The following CPNE8 variants were observed in gnomAD, a reference collection of about 807,000 sequenced individuals.
CPNE8 encodes the protein copine 8.
CPNE8 carries 45 observed loss-of-function variants against 81.5 expected under a neutral mutation model. That is an observed-to-expected ratio of 0.55 (90% CI 0.44 to 0.71). The LOEUF (loss-of-function observed/expected upper bound fraction) is 0.71, where lower values mean the gene tolerates loss of function less well. CPNE8 is among the 30% of genes least tolerant of loss of function. CPNE8 has a pLI of 0.00. For missense variants in CPNE8, 594 were observed against 672.1 expected, an observed-to-expected ratio of 0.88 and a Z score of 1.28; for synonymous variants, 252 against 226.3, an observed-to-expected ratio of 1.11 and a Z score of -1.02.
chr12:38,788,807 G>A (rs893850957), intron 6 of CPNE8, among the ~76,000 whole-genome samples: 5 of 151,656 alleles, frequency 3.3e-5, no homozygotes, highest in African/African-American at 1.2e-4. Flanking sequence ...ATTTCTGTAT[G>A]TCAAAGTGAA....
intron 1 of CPNE8, among the ~76,000 whole-genome samples, chr12:38,903,398 G>A (rs1242926908): frequency 6.6e-6 from 1 of 152,064 alleles, no homozygotes; most frequent in Non-Finnish European, 1.5e-5. Flanking sequence ...AAAAAAAGCT[G>A]GAACAAGGGA....
chr12:38,820,172 G>A (rs1018205578), intron 6 of CPNE8, among the ~76,000 whole-genome samples: 4 of 151,942 alleles, frequency 2.6e-5, no homozygotes, highest in East Asian at 1.9e-4. Context: ...TTTGGGAGGC[G>A]AAGATGGGGG....
At chr12:38,799,971 C>A (rs7960901) in intron 6 of CPNE8, among the ~76,000 whole-genome samples, 1 of 146,472 alleles carries the variant, frequency 6.8e-6, no homozygotes, top group Non-Finnish European at 1.5e-5. Context: ...CGGCGCACCA[C>A]GAGACTGTAT....
chr12:38,687,370 C>T (rs1939555001), intron 15 of CPNE8, among the ~76,000 whole-genome samples: 3 of 95,484 alleles, frequency 3.1e-5, no homozygotes, highest in East Asian at 6.6e-4. Context: ...AATGCCAAGA[C>T]TTTCTTTTTT....
At chr12:38,676,394 T>C (rs896547557) in intron 17 of CPNE8, 2 of 695,142 alleles carry the variant, frequency 2.9e-6, no homozygotes, top group African/African-American at 3.9e-5. Flanking sequence ...ACAAAACCTT[T>C]CTAAGCTGAC....
intron 10 of CPNE8, among the ~76,000 whole-genome samples, chr12:38,756,659 T>C (rs867201222): frequency 6.6e-6 from 1 of 152,196 alleles, no homozygotes. Context: ...ACATACAAAA[T>C]AATACAGATA....
intron 13 of CPNE8, among the ~76,000 whole-genome samples, chr12:38,722,899 C>T (rs1399360685): frequency 6.6e-6 from 1 of 152,076 alleles, no homozygotes; most frequent in Non-Finnish European, 1.5e-5. Context: ...AGTGAGTTCT[C>T]ATGAGATCTG....
chr12:38,872,934 C>T, intron 3 of CPNE8, 70 bp downstream of exon 3: 2 of 859,702 alleles, frequency 2.3e-6, no homozygotes, highest in South Asian at 3.0e-5. Flanking sequence ...TAGAAAGTAT[C>T]ATCTTGATCA....
chr12:38,773,873 T>G (rs1382339399), intron 7 of CPNE8, among the ~76,000 whole-genome samples: 1 of 152,094 alleles, frequency 6.6e-6, no homozygotes, highest in Admixed American at 6.6e-5. Context: ...TTAATAATGA[T>G]GCTGATGATC....
chr12:38,892,127 A>G (rs963160260), intron 1 of CPNE8, among the ~76,000 whole-genome samples: 1 of 152,196 alleles, frequency 6.6e-6, no homozygotes, highest in Non-Finnish European at 1.5e-5. Flanking sequence ...CAAATGGGGG[A>G]AAGGCTTCTC....
At chr12:38,902,846 T>A (rs1241153831) in intron 1 of CPNE8, among the ~76,000 whole-genome samples, 1 of 152,170 alleles carries the variant, frequency 6.6e-6, no homozygotes, top group Non-Finnish European at 1.5e-5. Context: ...GAAAACATGT[T>A]TTTGTTTCAT....
chr12:38,777,741 T>C (rs1295558395), intron 6 of CPNE8, among the ~76,000 whole-genome samples: 2 of 152,194 alleles, frequency 1.3e-5, no homozygotes, highest in Non-Finnish European at 2.9e-5. Context: ...CAAGAGGTTA[T>C]ACCATATAGC....
intron 1 of CPNE8, among the ~76,000 whole-genome samples, chr12:38,891,869 T>G (rs1350935169): frequency 6.6e-6 from 1 of 152,266 alleles, no homozygotes; most frequent in Admixed American, 6.5e-5. Context: ...ACCTTTCATG[T>G]GCAAAGCACA....
intron 10 of CPNE8, among the ~76,000 whole-genome samples, chr12:38,757,190 A>G (rs900177194): frequency 6.6e-6 from 1 of 152,090 alleles, no homozygotes; most frequent in Non-Finnish European, 1.5e-5. Flanking sequence ...CAAATAGGGT[A>G]AAAAATGACA....
At chr12:38,855,133 C>T (rs955241224) in intron 3 of CPNE8, among the ~76,000 whole-genome samples, 3 of 151,542 alleles carry the variant, frequency 2.0e-5, no homozygotes, top group Admixed American at 6.6e-5. Flanking sequence ...TTAAGAAAAT[C>T]CCATTCACAA....
At chr12:38,762,287 T>C (rs1305859537) in intron 8 of CPNE8, 71 bp from the exon 9 acceptor site, 3 of 747,718 alleles carry the variant, frequency 4.0e-6, no homozygotes, top group Non-Finnish European at 6.3e-6. Context: ...TTAGTAGCCA[T>C]TCCTCTGCTT....
At chr12:38,748,114 G>A (rs956974149) in intron 10 of CPNE8, among the ~76,000 whole-genome samples, 2 of 151,994 alleles carry the variant, frequency 1.3e-5, no homozygotes, top group East Asian at 1.9e-4. Context: ...AGGCTTAAGC[G>A]ATTCTCCTGC....
intron 17 of CPNE8, chr12:38,676,459 T>A: frequency 5.0e-6 from 1 of 198,726 alleles, no homozygotes; most frequent in Non-Finnish European, 9.0e-6. Flanking sequence ...ATATTTCAGT[T>A]GCTAAAGGGG....
intron 15 of CPNE8, among the ~76,000 whole-genome samples, chr12:38,688,722 G>A (rs1939600220): frequency 6.6e-6 from 1 of 151,956 alleles, no homozygotes; most frequent in African/African-American, 2.4e-5. Context: ...AGTAACTCAG[G>A]AATAGAAAAC....
Sources: gnomAD v4.1 joint callset for allele counts (sites outside exome capture counted in the v4.1 genomes callset) on GRCh38, gnomAD v4.1.1 for gene constraint, MANE v1.5 for transcripts, NCBI Gene and HGNC (gene_info 2026-07-23, HGNC 2026-07-21) for gene names.